The following CTNND2 variants were observed in gnomAD, a reference collection of about 807,000 sequenced individuals.
The protein encoded by CTNND2 is catenin delta-2.
A neutral mutation model predicts 144.4 loss-of-function variants in CTNND2; 22 were observed. The observed-to-expected ratio is 0.15, with a 90% CI of 0.11 to 0.22. CTNND2 has a LOEUF of 0.22. CTNND2 is among the 10% of genes least tolerant of loss of function. The pLI is 1.00. For synonymous variants in CTNND2, 751 were observed against 695.6 expected, an observed-to-expected ratio of 1.08 and a Z score of -1.25; for missense variants, 1,353 against 1,618.8, an observed-to-expected ratio of 0.84 and a Z score of 2.82.
At chr5:11,520,794 CTG>C (rs1399160450) in intron 3 of CTNND2, among the ~76,000 whole-genome samples, 1 of 152,208 alleles carries the variant, frequency 6.6e-6, no homozygotes, top group Non-Finnish European at 1.5e-5. Context: ...TGTGGAGAAG[CTG>C]TGTTATTTCA....
chr5:11,786,441 C>T (rs1043836873), intron 1 of CTNND2, among the ~76,000 whole-genome samples: 3 of 152,136 alleles, frequency 2.0e-5, no homozygotes, highest in African/African-American at 7.2e-5. Flanking sequence ...CCTTAATTCC[C>T]TAGGTATCTA....
intron 1 of CTNND2, among the ~76,000 whole-genome samples, chr5:11,781,661 T>C (rs1790547317): frequency 6.6e-6 from 1 of 152,200 alleles, no homozygotes; most frequent in Non-Finnish European, 1.5e-5. Context: ...ATTTACACAA[T>C]ACACAATTTA....
At chr5:11,537,044 G>A (rs1774272341) in intron 3 of CTNND2, among the ~76,000 whole-genome samples, 1 of 146,788 alleles carries the variant, frequency 6.8e-6, no homozygotes, top group Non-Finnish European at 1.5e-5. Context: ...AGAAATTGGA[G>A]GCAGCAGGTG....
At chr5:11,900,900 A>G (rs1737798858) in intron 1 of CTNND2, among the ~76,000 whole-genome samples, 1 of 152,224 alleles carries the variant, frequency 6.6e-6, no homozygotes, top group Admixed American at 6.5e-5. Context: ...AGTCTTTTAA[A>G]AATAAAAACT....
chr5:11,317,237 G>T (rs1751606575), intron 9 of CTNND2, among the ~76,000 whole-genome samples: 1 of 152,170 alleles, frequency 6.6e-6, no homozygotes, highest in African/African-American at 2.4e-5. Context: ...GGGTCACACA[G>T]CTAGTTAGTG....
intron 9 of CTNND2, among the ~76,000 whole-genome samples, chr5:11,240,390 ACACCCAAC>A (rs1742177018): frequency 8.1e-6 from 1 of 124,058 alleles, no homozygotes; most frequent in Admixed American, 8.2e-5. Flanking sequence ...ATACACTCAC[ACACCCAAC>A]ACACACACCC....
intron 9 of CTNND2, among the ~76,000 whole-genome samples, chr5:11,262,311 C>A (rs1744943964): frequency 6.6e-6 from 1 of 152,154 alleles, no homozygotes; most frequent in Non-Finnish European, 1.5e-5. Context: ...CTGAAGGTAA[C>A]CAATGTGCTT....
chr5:11,838,521 C>T (rs547649172), intron 1 of CTNND2, among the ~76,000 whole-genome samples: 11 of 152,172 alleles, frequency 7.2e-5, no homozygotes, highest in Admixed American at 4.6e-4. Flanking sequence ...TAGACATGGA[C>T]GTTGCTGGGG....
At chr5:11,392,599 T>G (rs1581097999) in intron 6 of CTNND2, among the ~76,000 whole-genome samples, 1 of 152,298 alleles carries the variant, frequency 6.6e-6, no homozygotes, top group Non-Finnish European at 1.5e-5. Context: ...GAAGCCAAAC[T>G]AAATTTGCTT....
intron 2 of CTNND2, among the ~76,000 whole-genome samples, chr5:11,611,127 T>G (rs1780301438): frequency 6.6e-6 from 1 of 152,096 alleles, no homozygotes; most frequent in African/African-American, 2.4e-5. Flanking sequence ...TCTCATGAGA[T>G]CTGATGGTTT....
chr5:11,154,604 A>G (rs1411903607), intron 12 of CTNND2, among the ~76,000 whole-genome samples: 1 of 152,104 alleles, frequency 6.6e-6, no homozygotes, highest in Non-Finnish European at 1.5e-5. Flanking sequence ...TTGGCTTCCT[A>G]GCTTAGCAGC....
At chr5:11,318,987 G>A (rs934191457) in intron 9 of CTNND2, among the ~76,000 whole-genome samples, 1 of 151,750 alleles carries the variant, frequency 6.6e-6, no homozygotes, top group South Asian at 2.1e-4. Flanking sequence ...ACTGTTTTAA[G>A]CATGCTGTAT....
chr5:11,401,104 C>A (rs1485946776), intron 5 of CTNND2, among the ~76,000 whole-genome samples: 1 of 152,142 alleles, frequency 6.6e-6, no homozygotes, highest in South Asian at 2.1e-4. Context: ...ATTCGTGGGA[C>A]AAAATCAATC....
intron 3 of CTNND2, among the ~76,000 whole-genome samples, chr5:11,557,699 A>C (rs1217352707): frequency 6.6e-6 from 1 of 152,108 alleles, no homozygotes; most frequent in African/African-American, 2.4e-5. Context: ...AAATAACCTA[A>C]TTAGGAGAGT....
At chr5:11,638,827 G>GCCC in intron 2 of CTNND2, among the ~76,000 whole-genome samples, 1 of 152,196 alleles carries the variant, frequency 6.6e-6, no homozygotes, top group Admixed American at 6.5e-5. Context: ...ACCCACCTCA[G>GCCC]CCCCGCAAAG....
chr5:11,057,083 C>T (rs1188498861), intron 16 of CTNND2, among the ~76,000 whole-genome samples: 1 of 152,214 alleles, frequency 6.6e-6, no homozygotes, highest in Non-Finnish European at 1.5e-5. Flanking sequence ...AAATCACATG[C>T]TTTTGCCAAA....
intron 2 of CTNND2, among the ~76,000 whole-genome samples, chr5:11,594,181 T>C (rs1393747793): frequency 2.0e-5 from 3 of 152,204 alleles, no homozygotes; most frequent in Non-Finnish European, 2.9e-5. Context: ...TATAGTATAG[T>C]ACACGTACAC....
intron 2 of CTNND2, among the ~76,000 whole-genome samples, chr5:11,582,769 G>A (rs1222000701): frequency 6.6e-6 from 1 of 152,170 alleles, no homozygotes; most frequent in South Asian, 2.1e-4. Flanking sequence ...ATGGAGCCTG[G>A]ACCACAGTGA....
At chr5:11,135,670 T>C (rs1365971491) in intron 12 of CTNND2, among the ~76,000 whole-genome samples, 4 of 152,204 alleles carry the variant, frequency 2.6e-5, no homozygotes, top group African/African-American at 9.7e-5. Flanking sequence ...TGTTAGGTGA[T>C]TCCAACTCCA....
Sources: gnomAD v4.1 joint callset for allele counts (sites outside exome capture counted in the v4.1 genomes callset) on GRCh38, gnomAD v4.1.1 for gene constraint, MANE v1.5 for transcripts, NCBI Gene and HGNC (gene_info 2026-07-23, HGNC 2026-07-21) for gene names.